The following PIK3R5 variants were observed in gnomAD, a reference collection of about 807,000 sequenced individuals.
PIK3R5 encodes phosphoinositide-3-kinase regulatory subunit 5.
A neutral mutation model predicts 94.9 loss-of-function variants in PIK3R5; 32 were observed. That is an observed-to-expected ratio of 0.34 (90% CI 0.25 to 0.45). PIK3R5 has a LOEUF of 0.45. Ranked by LOEUF, PIK3R5 falls within the 20% of genes least tolerant of loss-of-function variation. The pLI, the probability that PIK3R5 is intolerant of heterozygous loss-of-function variation, is 1.00. For missense variants in PIK3R5, 853 were observed against 1,144.6 expected (o/e 0.75, Z 3.68); for synonymous variants, 443 against 479.4 (o/e 0.92, Z 0.99).
At chr17:8,905,832 T>A in intron 3 of PIK3R5, 95 bp from the exon 4 acceptor site, 39 of 89,634 alleles carry the variant, frequency 4.4e-4, no homozygotes, top group Non-Finnish European at 7.0e-4. Flanking sequence ...CTAGCCTTTC[T>A]TTTTTTTTTT....
At chr17:8,949,916 C>T (rs2091345733) in intron 1 of PIK3R5, among the ~76,000 whole-genome samples, 1 of 152,138 alleles carries the variant, frequency 6.6e-6, no homozygotes, top group Non-Finnish European at 1.5e-5. Flanking sequence ...AATTTAAAAA[C>T]AATTTTTTTA....
chr17:8,957,281 A>G (rs2091480855), intron 1 of PIK3R5, among the ~76,000 whole-genome samples: 1 of 152,146 alleles, frequency 6.6e-6, no homozygotes, highest in African/African-American at 2.4e-5. Context: ...GAAGCCTCCC[A>G]TTCCACTGTT....
intron 12 of PIK3R5, 143 bp downstream of exon 12, chr17:8,886,953 C>A: frequency 2.1e-6 from 2 of 962,896 alleles, no homozygotes; most frequent in East Asian, 2.6e-5. Flanking sequence ...TCCTGCTTCT[C>A]ACCCACACTC....
chr17:8,965,001 C>CCACACACACACA (rs10680170), intron 1 of PIK3R5, among the ~76,000 whole-genome samples: 3,193 of 150,766 alleles, frequency 0.021, 40 homozygotes, highest in Non-Finnish European at 0.024. Flanking sequence ...ATGCGCATGC[C>CCACACACACACA]CACACACACA....
intron 1 of PIK3R5, among the ~76,000 whole-genome samples, chr17:8,960,058 CG>C (rs1165102451): frequency 6.6e-6 from 1 of 152,046 alleles, no homozygotes; most frequent in Non-Finnish European, 1.5e-5. Flanking sequence ...CCTTGGAATA[CG>C]GGGAGGGGTG....
At position 8,925,822 on chromosome 17, in the gene PIK3R5, A is replaced by G. The variant is rs1247240610; in HGVS notation, c.-13-14315T>C. Reference sequence around the variant, plus strand: ...CTTTTCCTTTAATGCAGATAGATGCATCACATTCACTGAGATGGAGAAGTT... The same window carrying G: ...CTTTTCCTTTAATGCAGATAGATGCGTCACATTCACTGAGATGGAGAAGTT... On this transcript the variant is annotated intron_variant, in intron 1 of 18. Transcript: ENST00000447110. This position sits in a 1 kb window ranked among gnomAD's most constrained non-coding sequence, Gnocchi z 5.1. Among the ~76,000 whole-genome samples, 1 of 152,222 alleles carries G rather than the reference A, an allele frequency of 6.6e-6. No homozygotes were observed. The highest frequency in any genetic ancestry group is 1.5e-5 in the Non-Finnish European group (1 of 68,040).
At chr17:8,962,789 A>C (rs549809904) in intron 1 of PIK3R5, among the ~76,000 whole-genome samples, 1 of 152,326 alleles carries the variant, frequency 6.6e-6, no homozygotes, top group East Asian at 1.9e-4. Flanking sequence ...AAATTGATGA[A>C]ATATTTTACT....
intron 14 of PIK3R5, among the ~76,000 whole-genome samples, chr17:8,885,403 A>T (rs1394219604): frequency 2.3e-5 from 2 of 87,436 alleles, no homozygotes; most frequent in Admixed American, 1.2e-4. Flanking sequence ...CCAGGGCCCC[A>T]CCTACCAGGC....
Position 8,919,866 on chromosome 17 carries a change from TTC to T in PIK3R5, c.-13-8361_-13-8360del, listed in dbSNP as rs2090701257. Among the ~76,000 whole-genome samples the T allele has an allele frequency of 4.0e-5, 6 of 149,374 alleles. No homozygotes were observed. In the South Asian group the frequency reaches 1.3e-3, roughly 32 times the overall value. ...CTTCTCTCTCTCTCTCTTTCTTTCT[TTC>T]TCTTTTTTTCTTTTTCCTTCTTTTT... On this transcript the variant is annotated intron_variant, in intron 1 of 18. Coordinates refer to ENST00000447110, the MANE Select transcript of PIK3R5 (RefSeq NM_001142633.3).
chr17:8,949,338 G>A (rs895959686), intron 1 of PIK3R5, among the ~76,000 whole-genome samples: 2 of 152,186 alleles, frequency 1.3e-5, no homozygotes, highest in Admixed American at 6.5e-5. Flanking sequence ...GGTAGATTGC[G>A]GGGAAAGGGT....
intron 1 of PIK3R5, among the ~76,000 whole-genome samples, chr17:8,920,084 A>G (rs2090709166): frequency 6.6e-6 from 1 of 151,912 alleles, no homozygotes; most frequent in Non-Finnish European, 1.5e-5. Flanking sequence ...GGGTTTCACC[A>G]TGGTGGCCAG....
In PIK3R5 at chr17:8,926,000, G is replaced by A. The variant is rs74426069; in HGVS notation, c.-13-14493C>T. Among the ~76,000 whole-genome samples the A allele has an allele frequency of 2.4e-3, 371 of 152,306 alleles. 6 individuals carry two copies. In the East Asian group the frequency reaches 0.054, roughly 22 times the overall value. On this transcript the variant is annotated intron_variant, in intron 1 of 18. Coordinates refer to ENST00000447110, the MANE Select transcript of PIK3R5 (RefSeq NM_001142633.3). The surrounding 1 kb of genome is among the most constrained non-coding windows in gnomAD (Gnocchi z 5.1). ...ACTGAGGCTGTGAACCATGTGAAGC[G>A]AGAAGAGTGAGGAGAACACCTCCAG... is the stretch of plus-strand genomic sequence containing the variant.
chr17:8,900,659 C>G (rs1172815435), intron 5 of PIK3R5, among the ~76,000 whole-genome samples: 3 of 152,198 alleles, frequency 2.0e-5, no homozygotes, highest in Admixed American at 2.0e-4. Flanking sequence ...CCAAAGGACC[C>G]TCATTCTACT....
At chr17:8,908,429 A>G (rs1293187755) in intron 3 of PIK3R5, among the ~76,000 whole-genome samples, 1 of 152,108 alleles carries the variant, frequency 6.6e-6, no homozygotes, top group African/African-American at 2.4e-5. Flanking sequence ...CCAGGTAAAT[A>G]GTGGGGCCAG....
chr17:8,934,556 A>G (rs1022751020), intron 1 of PIK3R5, among the ~76,000 whole-genome samples: 3 of 152,206 alleles, frequency 2.0e-5, no homozygotes, highest in Non-Finnish European at 4.4e-5. Context: ...ATAGAAATGA[A>G]TAACATGCCT....
At chr17:8,917,739 G>A (rs1043511071) in intron 1 of PIK3R5, among the ~76,000 whole-genome samples, 13 of 152,206 alleles carry the variant, frequency 8.5e-5, no homozygotes, top group Middle Eastern at 3.4e-3. Flanking sequence ...GGTGGTGTGC[G>A]CCTGTAGTCC....
intron 1 of PIK3R5, among the ~76,000 whole-genome samples, chr17:8,940,643 C>T (rs1003547270): frequency 6.6e-6 from 1 of 152,148 alleles, no homozygotes; most frequent in Admixed American, 6.5e-5. Flanking sequence ...GCTCTGCAAC[C>T]TCCGCCTCCC....
chr17:8,880,472 T>C lies in PIK3R5; in HGVS notation c.*167A>G. Reference sequence around the variant, plus strand: ...GATAGCTGTTGCTTTCCCAGAACCCTGAGGCCCCAGAAACCCTCTACTCCC... The same window carrying C: ...GATAGCTGTTGCTTTCCCAGAACCCCGAGGCCCCAGAAACCCTCTACTCCC... On this transcript the variant is annotated 3_prime_UTR_variant, in exon 19 of 19. Transcript: ENST00000447110. 1 of 615,750 alleles carries C rather than the reference T, an allele frequency of 1.6e-6. No homozygotes were observed. Among genetic ancestry groups the C allele is most frequent in the Non-Finnish European group, 2.6e-6 (1 of 378,958 alleles). 38.1% of individuals were successfully genotyped at this position (615,750 alleles called of 1,614,324 possible). A position where few individuals can be genotyped will look rare whatever the true frequency, so the allele number is the denominator to read the frequency against.
Position 8,893,606 on chromosome 17 carries a change from C to T in PIK3R5, c.462G>A (p.Arg154=). The change falls in exon 6 of 19, where the codon AGG becomes AGA. Residue 154 remains arginine (R), a synonymous_variant. Transcript: ENST00000447110. The surrounding 1 kb of genome is among the most constrained non-coding windows in gnomAD (Gnocchi z 5.1). ...CTCACACGGTGGAGCTGCGGTGACT[C>T]CTGATGGGCAGGCCCTGCTCAGCCC... ...LVRAEQGLPI[R]SHRSSTVTVL... 1 of 1,613,974 alleles carries T rather than the reference C, an allele frequency of 6.2e-7. No individual in the cohort carries two copies.
Sources: allele counts gnomAD v4.1 joint callset (sites outside exome capture counted in the v4.1 genomes callset), GRCh38; gene constraint gnomAD v4.1.1; non-coding constraint Gnocchi (gnomAD v3.1); transcripts MANE v1.5; gene names NCBI Gene and HGNC (gene_info 2026-07-23, HGNC 2026-07-21).